Variants in AHCYL1 observed in about 807,000 individuals in gnomAD.
The protein encoded by AHCYL1 is S-adenosylhomocysteine hydrolase-like protein 1.
Under a neutral mutation model 79.3 loss-of-function variants are expected in AHCYL1, and 20 were observed. The observed-to-expected ratio is 0.25, with a 90% CI of 0.18 to 0.37. AHCYL1 has a LOEUF of 0.37. AHCYL1 is among the 10% of genes least tolerant of loss of function. AHCYL1 has a pLI of 1.00. For missense variants in AHCYL1, 330 were observed against 673.6 expected (o/e 0.49, Z 5.65); for synonymous variants, 223 against 242.2 (o/e 0.92, Z 0.74).
chr1:110,008,141 G>T (rs888375394), intron 1 of AHCYL1, among the ~76,000 whole-genome samples: 4 of 150,346 alleles, frequency 2.7e-5, no homozygotes, highest in Non-Finnish European at 5.9e-5. Flanking sequence ...CCTGCCTCAG[G>T]CTCCCAAGTA....
In AHCYL1 at chr1:110,021,703, G is replaced by A. The variant is rs757663423; in HGVS notation, c.*23G>A. The A allele has an allele frequency of 6.2e-7, 1 of 1,608,772 alleles. No individual in the cohort carries two copies. Among genetic ancestry groups the A allele is most frequent in the Admixed American group, 1.7e-5 (1 of 59,790 alleles). On this transcript the variant is annotated 3_prime_UTR_variant, in exon 17 of 17. Coordinates refer to ENST00000369799, the MANE Select transcript of AHCYL1 (RefSeq NM_006621.7). Reference sequence around the variant, plus strand: ...TAATGGACCATACTACCAAGGACCAGTCCACCTGAACCACACACTCTAAAG... The same window carrying A: ...TAATGGACCATACTACCAAGGACCAATCCACCTGAACCACACACTCTAAAG...
intron 3 of AHCYL1, among the ~76,000 whole-genome samples, chr1:110,011,818 T>G (rs1193857709): frequency 6.6e-6 from 1 of 152,234 alleles, no homozygotes; most frequent in Non-Finnish European, 1.5e-5. Flanking sequence ...TAAAAGTGAC[T>G]GACAGTTAAA....
At chr1:110,001,475 C>G (rs1173158213) in intron 1 of AHCYL1, among the ~76,000 whole-genome samples, 1 of 152,182 alleles carries the variant, frequency 6.6e-6, no homozygotes, top group African/African-American at 2.4e-5. Context: ...CGTGAGCCAC[C>G]ACACCCGGCC....
intron 1 of AHCYL1, among the ~76,000 whole-genome samples, chr1:110,008,637 C>A (rs1196235875): frequency 1.3e-5 from 2 of 151,836 alleles, no homozygotes; most frequent in Admixed American, 1.3e-4. Flanking sequence ...GAAACAAAAA[C>A]CAAAAAACCC....
At chr1:110,008,550 C>G (rs1320132407) in intron 1 of AHCYL1, among the ~76,000 whole-genome samples, 1 of 151,384 alleles carries the variant, frequency 6.6e-6, no homozygotes, top group Non-Finnish European at 1.5e-5. Flanking sequence ...ATCACCATTT[C>G]TAGGCATCTC....
intron 1 of AHCYL1, among the ~76,000 whole-genome samples, chr1:110,002,049 A>C (rs984986781): frequency 6.6e-6 from 1 of 152,196 alleles, no homozygotes; most frequent in East Asian, 1.9e-4. Context: ...TTATAGAATA[A>C]ACAAACATTA....
chr1:110,009,331 C>G (rs998087246), intron 2 of AHCYL1, among the ~76,000 whole-genome samples, 186 bp downstream of exon 2: 1 of 152,196 alleles, frequency 6.6e-6, no homozygotes, highest in East Asian at 1.9e-4. Flanking sequence ...TTTGTCGACT[C>G]GAGACTTTCT....
intron 1 of AHCYL1, among the ~76,000 whole-genome samples, chr1:109,996,658 G>A (rs187628188): frequency 6.6e-6 from 1 of 152,344 alleles, no homozygotes; most frequent in Admixed American, 6.5e-5. Flanking sequence ...ACGTCAGAGA[G>A]ACTTTAAATG....
intron 2 of AHCYL1, among the ~76,000 whole-genome samples, chr1:110,009,917 A>G (rs1650914660): frequency 6.6e-6 from 1 of 152,266 alleles, no homozygotes; most frequent in African/African-American, 2.4e-5. Context: ...TTAAAAGATT[A>G]AGAGGTTACA....
In AHCYL1 at chr1:110,017,261, A is replaced by G. The variant is rs182107829; in HGVS notation, c.964-234A>G. On this transcript the variant is annotated intron_variant, in intron 9 of 16. Transcript: ENST00000369799. ...TCTTGTTTCCCTGATGAAAACTGCT[A>G]TGCAAAGCCCCAGTCCTTCCTATGA... Among the ~76,000 whole-genome samples the G allele has an allele frequency of 2.6e-5, 4 of 152,294 alleles. No individual in the cohort carries two copies. In the East Asian group the frequency reaches 7.7e-4, roughly 29 times the overall value.
chr1:110,011,445 C>T (rs1261763663), intron 3 of AHCYL1, 88 bp downstream of exon 3: 3 of 1,544,238 alleles, frequency 1.9e-6, no homozygotes, highest in Non-Finnish European at 2.6e-6. Flanking sequence ...TGAAAGCTGA[C>T]TTGAAAGTGT....
At chr1:110,004,793 T>C (rs1274672145) in intron 1 of AHCYL1, among the ~76,000 whole-genome samples, 1 of 152,174 alleles carries the variant, frequency 6.6e-6, no homozygotes, top group Non-Finnish European at 1.5e-5. Context: ...ACACCTGTTT[T>C]GGCTGTCTGC....
chr1:109,993,099 AT>A (rs1649851489), intron 1 of AHCYL1, among the ~76,000 whole-genome samples: 1 of 152,130 alleles, frequency 6.6e-6, no homozygotes, highest in Non-Finnish European at 1.5e-5. Flanking sequence ...CTTAACACAC[AT>A]TCGAACCGGC....
chr1:110,017,380 C>T (rs561078720), intron 9 of AHCYL1, 115 bp from the exon 10 acceptor site: 68 of 900,116 alleles, frequency 7.6e-5, no homozygotes, highest in Middle Eastern at 2.2e-4. Flanking sequence ...TGCAGCTGCT[C>T]ACCAGATGAC....
chr1:110,004,445 T>A (rs1650519746), intron 1 of AHCYL1: 1 of 985,414 alleles, frequency 1.0e-6, no homozygotes, highest in South Asian at 4.7e-5. Flanking sequence ...AGATAAGTTG[T>A]TTTCTGGTGG....
chr1:110,005,446 C>A (rs1167836653), intron 1 of AHCYL1, among the ~76,000 whole-genome samples: 1 of 152,230 alleles, frequency 6.6e-6, no homozygotes, highest in Non-Finnish European at 1.5e-5. Flanking sequence ...CATTACTATA[C>A]TGTGGGTCAA....
intron 1 of AHCYL1, among the ~76,000 whole-genome samples, chr1:110,000,605 C>T: frequency 6.6e-6 from 1 of 152,134 alleles, no homozygotes; most frequent in East Asian, 1.9e-4. Flanking sequence ...GTGTTATAAG[C>T]TCAGAAAGCT....
chr1:110,007,379 A>G (rs1377034868), intron 1 of AHCYL1, among the ~76,000 whole-genome samples: 1 of 152,146 alleles, frequency 6.6e-6, no homozygotes, highest in African/African-American at 2.4e-5. Flanking sequence ...TCCATCATCA[A>G]AATAACAGCA....
intron 1 of AHCYL1, among the ~76,000 whole-genome samples, chr1:110,006,177 G>A (rs1650641988): frequency 6.6e-6 from 1 of 152,182 alleles, no homozygotes; most frequent in Non-Finnish European, 1.5e-5. Flanking sequence ...ATGGAACACT[G>A]GTATGCTTGT....
Sources: gnomAD v4.1 joint callset for allele counts (sites outside exome capture counted in the v4.1 genomes callset) on GRCh38, gnomAD v4.1.1 for gene constraint, MANE v1.5 for transcripts, NCBI Gene and HGNC (gene_info 2026-07-23, HGNC 2026-07-21) for gene names.